Variants in CDC14A observed in about 807,000 individuals in gnomAD.
The protein encoded by CDC14A is dual specificity protein phosphatase CDC14A.
In CDC14A, 53 loss-of-function variants were observed where a neutral mutation model predicts 74.4. The observed-to-expected ratio is 0.71, with a 90% CI of 0.57 to 0.89. The LOEUF (loss-of-function observed/expected upper bound fraction) is 0.89, where lower values mean the gene tolerates loss of function less well. Ranked by LOEUF, CDC14A falls within the 40% of genes least tolerant of loss-of-function variation. The probability of loss-of-function intolerance (pLI) is 0.00; values close to 1 mark genes in which losing one functional copy is unlikely to be tolerated. For missense variants in CDC14A, 646 were observed against 713.7 expected (o/e 0.91, Z 1.08); for synonymous variants, 247 against 258.4 (o/e 0.96, Z 0.43).
intron 7 of CDC14A, among the ~76,000 whole-genome samples, chr1:100,451,481 A>G (rs1252079895): frequency 1.3e-5 from 2 of 152,248 alleles, no homozygotes; most frequent in East Asian, 1.9e-4. Context: ...ACTTAAACCA[A>G]ATAATTCAAA....
chr1:100,449,219 A>G (rs1414348124), intron 7 of CDC14A, among the ~76,000 whole-genome samples: 3 of 152,222 alleles, frequency 2.0e-5, no homozygotes, highest in African/African-American at 4.8e-5. Flanking sequence ...GTGAAAAAGC[A>G]TGGGTTCATT....
At chr1:100,489,236 T>G (rs1405845475) in intron 11 of CDC14A, among the ~76,000 whole-genome samples, 1 of 152,206 alleles carries the variant, frequency 6.6e-6, no homozygotes, top group Non-Finnish European at 1.5e-5. Context: ...CTAGCCAATT[T>G]ATTAAAATCT....
At chr1:100,447,980 A>G (rs892987911) in intron 7 of CDC14A, among the ~76,000 whole-genome samples, 3 of 152,146 alleles carry the variant, frequency 2.0e-5, no homozygotes, top group Admixed American at 1.3e-4. Context: ...GCTTTCCGCT[A>G]TTTACCAAAA....
intron 2 of CDC14A, among the ~76,000 whole-genome samples, chr1:100,362,774 T>A (rs549986570): frequency 6.6e-6 from 1 of 152,198 alleles, no homozygotes; most frequent in Non-Finnish European, 1.5e-5. Context: ...ATATGTAACA[T>A]CCCCAGTTCT....
At chr1:100,505,907 G>A (rs1471760216) in intron 15 of CDC14A, among the ~76,000 whole-genome samples, 1 of 152,136 alleles carries the variant, frequency 6.6e-6, no homozygotes, top group Non-Finnish European at 1.5e-5. Context: ...CATGGTGGAA[G>A]GCAAAAGGGG....
intron 4 of CDC14A, among the ~76,000 whole-genome samples, chr1:100,422,722 C>T (rs1662510006): frequency 6.6e-6 from 1 of 152,170 alleles, no homozygotes; most frequent in African/African-American, 2.4e-5. Context: ...TGTGCTTTAT[C>T]AGACCTTCAT....
intron 10 of CDC14A, among the ~76,000 whole-genome samples, chr1:100,480,009 C>A (rs971411640): frequency 2.6e-5 from 4 of 151,978 alleles, no homozygotes; most frequent in African/African-American, 7.3e-5. Context: ...TAACATAAAC[C>A]TTACAATTTT....
At chr1:100,412,140 T>A (rs529173450) in intron 4 of CDC14A, among the ~76,000 whole-genome samples, 14 of 152,270 alleles carry the variant, frequency 9.2e-5, no homozygotes, top group African/African-American at 3.1e-4. Flanking sequence ...CTTAGGGAGC[T>A]GAAATGACCT....
At chr1:100,365,315 G>T (rs566498604) in intron 2 of CDC14A, among the ~76,000 whole-genome samples, 2 of 152,350 alleles carry the variant, frequency 1.3e-5, no homozygotes, top group Non-Finnish European at 2.9e-5. Context: ...AATGCACTGA[G>T]AGGACAGACA....
At chr1:100,351,650 A>G (rs540836788), upstream of CDC14A, 21 of 1,134,612 alleles carry the variant, frequency 1.9e-5, no homozygotes, top group South Asian at 2.8e-4. Flanking sequence ...AGGCTGGCTC[A>G]GCGGTCTCGC....
chr1:100,484,279 GT>G lies in CDC14A; in HGVS notation c.978-7del. 2 of 1,446,416 alleles carry G rather than the reference GT, an allele frequency of 1.4e-6. No individual in the cohort carries two copies. The highest frequency in any genetic ancestry group is 1.3e-5 in the South Asian group (1 of 75,770). 89.6% of individuals were successfully genotyped at this position (1,446,416 alleles called of 1,614,324 possible). A position where few individuals can be genotyped will look rare whatever the true frequency, so the allele number is the denominator to read the frequency against. ...TTTTCTTGTCGTTTTGTTTTGTTTT[GT>G]TTTTTATACAGAAAACAAGCATCGT... On this transcript the variant is annotated splice_polypyrimidine_tract_variant and intron_variant, in intron 10 of 15. Coordinates refer to ENST00000336454, the MANE Select transcript of CDC14A (RefSeq NM_003672.4).
chr1:100,349,066 C>T (rs1203526573), upstream of CDC14A, among the ~76,000 whole-genome samples: 1 of 152,154 alleles, frequency 6.6e-6, no homozygotes, highest in Non-Finnish European at 1.5e-5. Context: ...TGGTGGCGCA[C>T]ATGCCTGTAG....
chr1:100,372,291 A>C (rs545935451), intron 2 of CDC14A, among the ~76,000 whole-genome samples: 1 of 152,336 alleles, frequency 6.6e-6, no homozygotes, highest in South Asian at 2.1e-4. Context: ...TTCTTAAAAT[A>C]AGACAGCAGT....
chr1:100,353,045 C>T (rs1651331602), intron 1 of CDC14A, 42 bp downstream of exon 1: 1 of 1,602,930 alleles, frequency 6.2e-7, no homozygotes, highest in African/African-American at 1.3e-5. Flanking sequence ...CTTTCTTGCC[C>T]CCAACTCTTC....
intron 7 of CDC14A, among the ~76,000 whole-genome samples, chr1:100,448,171 C>T (rs1189237510): frequency 6.6e-6 from 1 of 152,100 alleles, no homozygotes; most frequent in African/African-American, 2.4e-5. Flanking sequence ...AAGGAGTCTC[C>T]TTAAATATCT....
chr1:100,347,347 A>G (rs902309956), intron 1 of CDC14A, among the ~76,000 whole-genome samples: 4 of 151,908 alleles, frequency 2.6e-5, no homozygotes, highest in Non-Finnish European at 2.9e-5. Context: ...ACTGCCTTCC[A>G]CTCCTACCCC....
chr1:100,517,476 T>G (rs1211076594), intron 15 of CDC14A, among the ~76,000 whole-genome samples: 1 of 152,234 alleles, frequency 6.6e-6, no homozygotes, highest in Non-Finnish European at 1.5e-5. Flanking sequence ...TAATCACTGT[T>G]TCCTGCTAAA....
intron 10 of CDC14A, among the ~76,000 whole-genome samples, chr1:100,469,058 C>T (rs2101263137): frequency 6.6e-6 from 1 of 152,236 alleles, no homozygotes; most frequent in South Asian, 2.1e-4. Context: ...CTATGCCTGG[C>T]TGATGGCTCT....
At chr1:100,487,845 T>C (rs770865715) in intron 11 of CDC14A, among the ~76,000 whole-genome samples, 2 of 152,202 alleles carry the variant, frequency 1.3e-5, no homozygotes, top group Non-Finnish European at 2.9e-5. Context: ...TGCTCCTGCC[T>C]TGCACTATAC....
Sources: allele counts gnomAD v4.1 joint callset (sites outside exome capture counted in the v4.1 genomes callset), GRCh38; gene constraint gnomAD v4.1.1; transcripts MANE v1.5; gene names NCBI Gene and HGNC (gene_info 2026-07-23, HGNC 2026-07-21).